GLMP: variants seen among roughly 807,000 people sequenced by gnomAD.
GLMP encodes the protein kidney lysosomal membrane protein.
Under a neutral mutation model 39.2 loss-of-function variants are expected in GLMP, and 36 were observed. The ratio of observed to expected loss-of-function variants is 0.92; its 90% CI spans 0.70 to 1.21. The LOEUF (loss-of-function observed/expected upper bound fraction) is 1.21, where lower values mean the gene tolerates loss of function less well. GLMP is among the 50% of genes most tolerant of loss of function. The pLI, the probability that GLMP is intolerant of heterozygous loss-of-function variation, is 0.00. For synonymous variants in GLMP, 220 were observed against 218.9 expected (o/e 1.01, Z -0.04); for missense variants, 454 against 505.6 (o/e 0.90, Z 0.98).
At position 156,293,220 on chromosome 1, in the gene GLMP, C is replaced by CAG; in HGVS notation, c.1056-13_1056-12dup. ...CCCAGGAGCATCGACCTAGAGCAAG[C>CAG]AGAGAGAGAGAGGTAAGCGGGCTTA... On this transcript the variant is annotated splice_polypyrimidine_tract_variant and intron_variant, in intron 5 of 5. Coordinates refer to ENST00000362007, the MANE Select transcript of GLMP (RefSeq NM_144580.3). The CAG allele has an allele frequency of 1.9e-6, 3 of 1,610,152 alleles. No individual in the cohort carries two copies. The highest frequency in any genetic ancestry group is 2.5e-6 in the Non-Finnish European group (3 of 1,177,682).
rs1391592429 is a variant in GLMP, at chr1:156,292,982, T to C, written c.*62A>G. On this transcript the variant is annotated 3_prime_UTR_variant, in exon 6 of 6. Coordinates refer to ENST00000362007, the MANE Select transcript of GLMP (RefSeq NM_144580.3). ...CCGGCTGGAACTTGATGCTCCAACC[T>C]CCAGAGTTTCGAGGCACAGCAAGAC... 2.6e-6 allele frequency: 4 copies of C among 1,564,488 alleles called. No individual in the cohort carries two copies. The Admixed American group carries it at 5.5e-5, about 22-fold the overall frequency.
chr1:156,295,511 C>A lies in GLMP; in HGVS notation c.120+15G>T. The A allele has an allele frequency of 1.3e-6, 2 of 1,494,018 alleles. No homozygotes were observed. The highest frequency in any genetic ancestry group is 1.3e-5 in the South Asian group (1 of 75,484). 92.5% of individuals were successfully genotyped at this position (1,494,018 alleles called of 1,614,324 possible). ...TTTCCTGAAACTTCTATCGCTGTAG[C>A]CCCAGGGCCCTCACCTGGCGGGTCT... is the stretch of plus-strand genomic sequence containing the variant. On this transcript the variant is annotated intron_variant, in intron 1 of 5. Transcript: ENST00000362007.
rs752716142 is a variant in GLMP at position 156,294,517 on chromosome 1, A to G, written c.427T>C (p.Leu143=). 3.8e-5 allele frequency: 61 copies of G among 1,613,918 alleles called. No individual in the cohort carries two copies. Among genetic ancestry groups the G allele is most frequent in the Non-Finnish European group, 5.9e-6 (7 of 1,180,016 alleles). The part of the protein sequence containing the change: ...TNVSDTAAKP[L]GRPYPPYSLA... ...GAGTATGGAGGATATGGTCTTCCCA[A>G]AGGCTTTGCTGCCGTATCGGACACG... Residue 143 remains leucine (L), a synonymous_variant, in exon 3 of 6, where the codon TTG becomes CTG. Transcript: ENST00000362007.
chr1:156,292,845 C>A lies in GLMP; in HGVS notation c.*199G>T. 1.6e-6 allele frequency: 1 copy of A among 627,214 alleles called. No individual in the cohort carries two copies. Among genetic ancestry groups the A allele is most frequent in the Non-Finnish European group, 2.7e-6 (1 of 371,794 alleles). The allele number at this position is 627,214 out of a possible 1,614,324, so 38.9% of individuals were successfully genotyped here. ...CTTATCAATAGCCCTGTCCCCTGCC[C>A]GCCTCCAAAGTCCCCCAACAAAGTA... On this transcript the variant is annotated 3_prime_UTR_variant, in exon 6 of 6. Transcript: ENST00000362007.
chr1:156,295,131 G>T, intron 1 of GLMP, 115 bp from the exon 2 acceptor site: 1 of 1,040,310 alleles, frequency 9.6e-7, no homozygotes, highest in East Asian at 2.6e-5. Flanking sequence ...TGGGATTTTG[G>T]GGACTAGACA....
rs199545477 is a variant in GLMP at position 156,293,499 on chromosome 1, C to A, written c.876G>T (p.Gly292=). Residue 292 remains glycine, a synonymous_variant, in exon 5 of 6, where the codon GGG becomes GGT. Coordinates refer to ENST00000362007, the MANE Select transcript of GLMP (RefSeq NM_144580.3). ...WRPVAYSQKP[G]GRESALPCQA... ...GGCAGGGCAGGGCTGATTCTCGGCCCCCCGGCTTCTGGGAGTAAGCCACTG... is the reference window on the plus strand; with the variant it reads ...GGCAGGGCAGGGCTGATTCTCGGCCACCCGGCTTCTGGGAGTAAGCCACTG... The A allele has an allele frequency of 1.3e-4, 205 of 1,614,154 alleles. No individual in the cohort carries two copies. The highest frequency in any genetic ancestry group is 2.3e-4 in the Admixed American group (14 of 60,012).
Position 156,293,095 on chromosome 1 carries a change from C to G in GLMP, c.1170G>C (p.Leu390Phe). The change falls in exon 6 of 6, where the codon TTG becomes TTC. Residue 390 changes from leucine to phenylalanine, a missense_variant. By Grantham distance (22) the Leu-to-Phe change is conservative. Transcript: ENST00000362007. The part of the protein sequence containing the change: ...APGLMLLGGG[L>F]VLLLHHKKYS... ...ACTTCTTGTGGTGCAGCAGCAGAAC[C>G]AAGCCGCCCCCTAGCAGCATGAGCC... 6.2e-7 allele frequency: 1 copy of G among 1,614,102 alleles called. No homozygotes were observed. The highest frequency in any genetic ancestry group is 1.1e-5 in the South Asian group (1 of 91,076).
chr1:156,295,098 C>T, intron 1 of GLMP, 82 bp from the exon 2 acceptor site: 3 of 1,189,226 alleles, frequency 2.5e-6, no homozygotes, highest in East Asian at 4.9e-5. Flanking sequence ...GGGAGGGGGG[C>T]TTGGAAAGTG....
rs752112358 is a variant in GLMP, at chr1:156,294,758, C to T, written c.378+1G>A. On this transcript the variant is annotated splice_donor_variant, in intron 2 of 5. Transcript: ENST00000362007. LOFTEE classifies it high-confidence loss of function. ...CCTTGGTTCTCTCCCAACCTCCTCA[C>T]CCTGGTAAAAACAAGGGCAGAAGAA... 3.9e-6 allele frequency: 6 copies of T among 1,549,370 alleles called. No homozygotes were observed. The highest frequency in any genetic ancestry group is 5.2e-6 in the Non-Finnish European group (6 of 1,146,404).
Position 156,294,764 on chromosome 1 carries a change from T to C in GLMP, c.373A>G (p.Thr125Ala). Residue 125 changes from threonine (T) to alanine (A), a missense_variant, in exon 2 of 6, where the codon ACC becomes GCC. By Grantham distance (58) the Thr-to-Ala change is moderately conservative (BLOSUM62 0). Coordinates refer to ENST00000362007, the MANE Select transcript of GLMP (RefSeq NM_144580.3). ...TTCTCTCCCAACCTCCTCACCCTGG[T>C]AAAAACAAGGGCAGAAGAAAACTGA... ...SIQFSSALVF[T>A]RLLEFDSTNV... The C allele has an allele frequency of 6.5e-7, 1 of 1,548,748 alleles. No individual in the cohort carries two copies. The highest frequency in any genetic ancestry group is 8.7e-7 in the Non-Finnish European group (1 of 1,146,232).
At position 156,294,136 on chromosome 1, in the gene GLMP, G is replaced by A. The variant is rs772160411; in HGVS notation, c.680C>T (p.Pro227Leu). ...QLEVALIGAS[P>L]RGNRSLFGLE... ...CCCAAACAGGGAACGGTTTCCCCGG[G>A]GAGAGGCTCCAATCAGGGCCACCTC... is the stretch of plus-strand genomic sequence containing the variant. The change falls in exon 4 of 6, where the codon CCC (proline) becomes CTC (leucine). Residue 227 changes from proline to leucine, a missense_variant. Coordinates refer to ENST00000362007, the MANE Select transcript of GLMP (RefSeq NM_144580.3). 1.9e-6 allele frequency: 3 copies of A among 1,614,090 alleles called. No homozygotes were observed. Among genetic ancestry groups the A allele is most frequent in the Non-Finnish European group, 2.5e-6 (3 of 1,180,026 alleles).
At chr1:156,295,075 A>C in intron 1 of GLMP, 59 bp from the exon 2 acceptor site, 2 of 1,332,796 alleles carry the variant, frequency 1.5e-6, no homozygotes, top group Non-Finnish European at 2.0e-6. Flanking sequence ...CACAGGCAAA[A>C]GAGAAGCTTG....
chr1:156,293,303 CA>C lies in GLMP; in HGVS notation c.1055+16del. On this transcript the variant is annotated intron_variant, in intron 5 of 5. Transcript: ENST00000362007. Reference sequence around the variant, plus strand: ...ACTTCAACTCCCCAAGTCCCCGGCCCAAACCCTGGCTCTCACCAGCTGAGGT... The same window carrying C: ...ACTTCAACTCCCCAAGTCCCCGGCCCAACCCTGGCTCTCACCAGCTGAGGT... 6.2e-7 allele frequency: 1 copy of C among 1,613,952 alleles called. No individual in the cohort carries two copies. Among genetic ancestry groups the C allele is most frequent in the Non-Finnish European group, 8.5e-7 (1 of 1,179,876 alleles).
chr1:156,295,494 A>G (rs1329194272), intron 1 of GLMP, 32 bp downstream of exon 1: 1 of 1,465,066 alleles, frequency 6.8e-7, no homozygotes. Flanking sequence ...CGTTTCCTGA[A>G]ACTTCTATCG....
chr1:156,293,969 T>C (rs1397390234), intron 4 of GLMP, 49 bp downstream of exon 4: 1 of 1,586,840 alleles, frequency 6.3e-7, no homozygotes, highest in Admixed American at 1.7e-5. Context: ...GTCCCAATGG[T>C]GTCCCACCTA....
chr1:156,294,291 G>C, intron 3 of GLMP, 55 bp from the exon 4 acceptor site: 2 of 1,601,740 alleles, frequency 1.2e-6, no homozygotes, highest in Non-Finnish European at 1.7e-6. Context: ...CTGTGCTTAA[G>C]GGCCACCTCC....
At chr1:156,295,485 G>A (rs1663570482) in intron 1 of GLMP, 41 bp downstream of exon 1, 7 of 1,457,026 alleles carry the variant, frequency 4.8e-6, no homozygotes, top group Non-Finnish European at 6.3e-6. Context: ...CAAGGGTAGC[G>A]TTTCCTGAAA....
chr1:156,294,674 AC>A, intron 2 of GLMP, 84 bp downstream of exon 2: 1 of 1,568,184 alleles, frequency 6.4e-7, no homozygotes, highest in South Asian at 1.2e-5. Context: ...TATTTCACCC[AC>A]CCCCAGTCTT....
At chr1:156,293,626 G>A (rs758089275) in intron 4 of GLMP, 50 bp from the exon 5 acceptor site, 38 of 1,608,860 alleles carry the variant, frequency 2.4e-5, no homozygotes, top group Middle Eastern at 3.3e-4. Flanking sequence ...ACCTGTGCCC[G>A]ACCCTCTTTT....
Sources: allele counts gnomAD v4.1 joint callset, GRCh38; gene constraint gnomAD v4.1.1; transcripts MANE v1.5; gene names NCBI Gene and HGNC (gene_info 2026-07-23, HGNC 2026-07-21).